DSTYK: variants seen among roughly 807,000 people sequenced by gnomAD.
DSTYK encodes dual serine/threonine and tyrosine protein kinase.
In DSTYK, 34 loss-of-function variants were observed where a neutral mutation model predicts 98.7. The ratio of observed to expected loss-of-function variants is 0.34; its 90% CI spans 0.26 to 0.46. The LOEUF (loss-of-function observed/expected upper bound fraction) is 0.46. DSTYK is among the 20% of genes least tolerant of loss of function. The pLI is 1.00. For missense variants in DSTYK, 962 were observed against 1,181.7 expected (o/e 0.81, Z 2.73); for synonymous variants, 462 against 457.3 (o/e 1.01, Z -0.13).
chr1:205,199,767 C>T (rs531771880), intron 1 of DSTYK, among the ~76,000 whole-genome samples: 81 of 152,264 alleles, frequency 5.3e-4, no homozygotes, highest in African/African-American at 1.9e-3. Flanking sequence ...CCCCGTCATC[C>T]CTAGAGGCTA....
chr1:205,188,283 G>A (rs1042283360), intron 1 of DSTYK, among the ~76,000 whole-genome samples: 5 of 152,142 alleles, frequency 3.3e-5, no homozygotes, highest in Admixed American at 2.6e-4. Flanking sequence ...GATTACAGTC[G>A]TGTGTTGCTT....
rs556314252 is a variant in DSTYK, at chr1:205,188,193, T to C, written c.266-387A>G. 1.3e-5 allele frequency among the ~76,000 whole-genome samples: 2 copies of C among 152,304 alleles called. 1 individual carries two copies. Among genetic ancestry groups the C allele is most frequent in the African/African-American group, 4.8e-5 (2 of 41,572 alleles). On this transcript the variant is annotated intron_variant, in intron 1 of 12. Transcript: ENST00000367162. ...CAGAAAAAAACTACACTAGTTGGGA[T>C]GTGAGCCCAAGGAGAAACGTAACTG...
intron 8 of DSTYK, 183 bp downstream of exon 8, chr1:205,159,931 A>C: frequency 1.2e-6 from 1 of 834,396 alleles, no homozygotes; most frequent in Non-Finnish European, 1.9e-6. Context: ...GAGTCTGAGA[A>C]ATTAGGATGG....
At chr1:205,149,546 C>T (rs1031666039) in intron 11 of DSTYK, among the ~76,000 whole-genome samples, 47 of 152,258 alleles carry the variant, frequency 3.1e-4, no homozygotes, top group Non-Finnish European at 1.0e-4. Context: ...TTTGTTCATT[C>T]TTCCTCTGAA....
At chr1:205,188,537 G>A (rs961034067) in intron 1 of DSTYK, among the ~76,000 whole-genome samples, 6 of 152,078 alleles carry the variant, frequency 3.9e-5, no homozygotes, top group Non-Finnish European at 8.8e-5. Flanking sequence ...CATAGAAAAC[G>A]TATGCTAAAA....
At chr1:205,172,093 A>C (rs958339737) in intron 2 of DSTYK, among the ~76,000 whole-genome samples, 2 of 152,014 alleles carry the variant, frequency 1.3e-5, no homozygotes, top group Non-Finnish European at 2.9e-5. Context: ...AGTAGCTGGG[A>C]TTACAGGCAC....
chr1:205,162,309 A>C lies in DSTYK; in HGVS notation c.1642-97T>G, dbSNP rs984044039. ...CCTTTTCTGGGTTACCCATTCATTA[A>C]GAGCAGGCTCATAAGATGGGAGCCA... On this transcript the variant is annotated intron_variant, in intron 5 of 12. Coordinates refer to ENST00000367162, the MANE Select transcript of DSTYK (RefSeq NM_015375.3). 4 of 1,413,158 alleles carry C rather than the reference A, an allele frequency of 2.8e-6. No individual in the cohort carries two copies. The African/African-American group carries it at 5.7e-5, about 20-fold the overall frequency. The allele number at this position is 1,413,158 out of a possible 1,614,324, so 87.5% of individuals were successfully genotyped here. A position where few individuals can be genotyped will look rare whatever the true frequency, so the allele number is the denominator to read the frequency against.
chr1:205,147,894 G>T, intron 12 of DSTYK, 149 bp from the exon 13 acceptor site: 1 of 725,564 alleles, frequency 1.4e-6, no homozygotes, highest in Non-Finnish European at 2.2e-6. Flanking sequence ...ATCTAGGTTA[G>T]AACCTAACAG....
At chr1:205,151,926 TTACTA>T (rs944379234) in intron 10 of DSTYK, among the ~76,000 whole-genome samples, 2 of 152,102 alleles carry the variant, frequency 1.3e-5, no homozygotes, top group African/African-American at 4.8e-5. Context: ...GTTTATATAT[TTACTA>T]TATTATACTC....
intron 10 of DSTYK, among the ~76,000 whole-genome samples, chr1:205,156,972 C>T (rs962652872): frequency 5.3e-5 from 8 of 152,094 alleles, no homozygotes; most frequent in East Asian, 1.9e-4. Flanking sequence ...GGGGCTTTAC[C>T]CCCTTTTGTT....
intron 1 of DSTYK, among the ~76,000 whole-genome samples, chr1:205,201,405 C>A (rs78669370): frequency 0.057 from 5,374 of 94,140 alleles, 100 homozygotes; most frequent in African/African-American, 0.11. Context: ...TTTTTTAATG[C>A]AAAAAAAAAA....
rs1443816955 is a variant in DSTYK at position 205,144,021 on chromosome 1, G to A, written c.*3537C>T. ...CAGTCAATGAGCTACTCTTTGCAGAGGATCAGGGAACTAAGGTATGCCTGG... is the reference window on the plus strand; with the variant it reads ...CAGTCAATGAGCTACTCTTTGCAGAAGATCAGGGAACTAAGGTATGCCTGG... On this transcript the variant is annotated 3_prime_UTR_variant, in exon 13 of 13. Coordinates refer to ENST00000367162, the MANE Select transcript of DSTYK (RefSeq NM_015375.3). 1 of 152,644 alleles carries A rather than the reference G, an allele frequency of 6.6e-6. No individual in the cohort carries two copies. Among genetic ancestry groups the A allele is most frequent in the Non-Finnish European group, 1.5e-5 (1 of 68,072 alleles). The allele number at this position is 152,644 out of a possible 1,614,324, so 9.5% of individuals were successfully genotyped here. A position where few individuals can be genotyped will look rare whatever the true frequency, so the allele number is the denominator to read the frequency against.
chr1:205,194,209 T>C (rs1005331845), intron 1 of DSTYK, among the ~76,000 whole-genome samples: 2 of 152,248 alleles, frequency 1.3e-5, no homozygotes, highest in Admixed American at 1.3e-4. Flanking sequence ...AAATTTGTTA[T>C]GCTTTTCTCT....
rs1281417587 is a variant in DSTYK at position 205,146,917 on chromosome 1, C to G, written c.*641G>C. On this transcript the variant is annotated 3_prime_UTR_variant, in exon 13 of 13. Coordinates refer to ENST00000367162, the MANE Select transcript of DSTYK (RefSeq NM_015375.3). Reference sequence around the variant, plus strand: ...TTTTCAGGGCCTCTTGGTGATGTAACAGTGAAACCCTCCCCCAGAAACCAG... The same window carrying G: ...TTTTCAGGGCCTCTTGGTGATGTAAGAGTGAAACCCTCCCCCAGAAACCAG... The G allele has an allele frequency of 6.7e-6, 1 of 148,730 alleles. No individual in the cohort carries two copies. Among genetic ancestry groups the G allele is most frequent in the African/African-American group, 2.5e-5 (1 of 40,092 alleles). The allele number at this position is 148,730 out of a possible 1,614,324, so 9.2% of individuals were successfully genotyped here.
rs1348088382 is a variant in DSTYK at position 205,142,660 on chromosome 1, C to G, written c.*4898G>C. On this transcript the variant is annotated 3_prime_UTR_variant, in exon 13 of 13. Transcript: ENST00000367162. ...CTCTTCAAAATGCACACAATTAAGA[C>G]GGTCCTGCTGTAACAATATTATGGA... 6.6e-6 allele frequency: 1 copy of G among 152,202 alleles called. No individual in the cohort carries two copies. Among genetic ancestry groups the G allele is most frequent in the Non-Finnish European group, 1.5e-5 (1 of 68,038 alleles). The allele number at this position is 152,202 out of a possible 1,614,324, so 9.4% of individuals were successfully genotyped here. A position where few individuals can be genotyped will look rare whatever the true frequency, so the allele number is the denominator to read the frequency against.
At chr1:205,187,848 A>C (rs1240543997) in intron 1 of DSTYK, 42 bp from the exon 2 acceptor site, 1 of 1,523,948 alleles carries the variant, frequency 6.6e-7, no homozygotes, top group Admixed American at 2.0e-5. Flanking sequence ...AAAGGAGTAG[A>C]GAGAGAGGAG....
At chr1:205,157,576 G>A (rs1225692394) in intron 9 of DSTYK, among the ~76,000 whole-genome samples, 190 bp from the exon 10 acceptor site, 2 of 152,060 alleles carry the variant, frequency 1.3e-5, no homozygotes, top group African/African-American at 4.8e-5. Flanking sequence ...TGGCAAACAT[G>A]GTGAAATCCT....
At position 205,146,582 on chromosome 1, in the gene DSTYK, T is replaced by C. The variant is rs1657242731; in HGVS notation, c.*976A>G. On this transcript the variant is annotated 3_prime_UTR_variant, in exon 13 of 13. Transcript: ENST00000367162. ...TATGCATACACATTCTATTTTTTTT[T>C]TTTTTTTGAGACAGAGTCTCACTCT... is the stretch of plus-strand genomic sequence containing the variant. The C allele has an allele frequency of 6.6e-6, 1 of 151,934 alleles. No individual in the cohort carries two copies. Among genetic ancestry groups the C allele is most frequent in the Non-Finnish European group, 1.5e-5 (1 of 68,024 alleles). 9.4% of individuals were successfully genotyped at this position (151,934 alleles called of 1,614,324 possible). A position where few individuals can be genotyped will look rare whatever the true frequency, so the allele number is the denominator to read the frequency against.
At chr1:205,182,683 GTGA>G (rs1447934398) in intron 2 of DSTYK, among the ~76,000 whole-genome samples, 5 of 151,314 alleles carry the variant, frequency 3.3e-5, no homozygotes, top group Admixed American at 6.6e-5. Flanking sequence ...GCAGGCACCT[GTGA>G]TCCCAGATAC....
Sources: allele counts gnomAD v4.1 joint callset (sites outside exome capture counted in the v4.1 genomes callset), GRCh38; gene constraint gnomAD v4.1.1; transcripts MANE v1.5; gene names NCBI Gene and HGNC (gene_info 2026-07-23, HGNC 2026-07-21).